Variants in MAP4K3 observed in about 807,000 individuals in gnomAD.
The protein encoded by MAP4K3 is mitogen-activated protein kinase kinase kinase kinase 3.
In MAP4K3, 94 loss-of-function variants were observed where a neutral mutation model predicts 143.5. The ratio of observed to expected loss-of-function variants is 0.65; its 90% CI spans 0.55 to 0.78. The LOEUF (loss-of-function observed/expected upper bound fraction) is 0.78. Among genes scored for constraint, MAP4K3 ranks in the 30% least tolerant of loss-of-function variants. The pLI is 0.00. For synonymous variants in MAP4K3, 416 were observed against 347.2 expected (o/e 1.20, Z -2.20); for missense variants, 1,077 against 1,068.1 (o/e 1.01, Z -0.12).
intron 1 of MAP4K3, among the ~76,000 whole-genome samples, chr2:39,411,909 C>A (rs1667242526): frequency 6.6e-6 from 1 of 152,196 alleles, no homozygotes; most frequent in Non-Finnish European, 1.5e-5. Flanking sequence ...CGCTTCATGG[C>A]ACTCTAGAGA....
intron 12 of MAP4K3, among the ~76,000 whole-genome samples, chr2:39,325,288 G>C (rs1333589980): frequency 6.6e-6 from 1 of 152,134 alleles, no homozygotes; most frequent in Non-Finnish European, 1.5e-5. Flanking sequence ...TAAATGATAT[G>C]CCTTTGCCAT....
intron 2 of MAP4K3, among the ~76,000 whole-genome samples, chr2:39,360,084 C>A (rs749834068): frequency 3.3e-5 from 5 of 152,208 alleles, no homozygotes; most frequent in Admixed American, 1.3e-4. Context: ...CATTGTTGGG[C>A]TGCAAATTTT....
intron 23 of MAP4K3, among the ~76,000 whole-genome samples, chr2:39,279,879 G>A (rs1681441288): frequency 6.6e-6 from 1 of 152,128 alleles, no homozygotes; most frequent in South Asian, 2.1e-4. Flanking sequence ...CATAAGGCCA[G>A]AAGTTTGAGG....
rs1205387420 is a variant in MAP4K3, at chr2:39,265,072, T to C, written c.2136+131A>G. 51 of 691,604 alleles carry C rather than the reference T, an allele frequency of 7.4e-5. No individual in the cohort carries two copies. The East Asian group carries it at 1.3e-3, about 18-fold the overall frequency. The allele number at this position is 691,604 out of a possible 1,614,324, so 42.8% of individuals were successfully genotyped here. ...AGTTGCTTACAACTGGGCAGATTTT[T>C]ACAACCCTGCCACATTATCTAAAAT... On this transcript the variant is annotated intron_variant, in intron 28 of 33. Coordinates refer to ENST00000263881, the MANE Select transcript of MAP4K3 (RefSeq NM_003618.4).
Position 39,260,564 on chromosome 2 carries a change from A to G in MAP4K3, c.2308+42T>C, listed in dbSNP as rs781391545. The G allele has an allele frequency of 3.9e-6, 6 of 1,537,970 alleles. No individual in the cohort carries two copies. In the South Asian group the frequency reaches 5.8e-5, roughly 15 times the overall value. ...CAGTAAACTTACTACTTATAAAACC[A>G]GTATATGTATTACCCTTAATAATTC... On this transcript the variant is annotated intron_variant, in intron 29 of 33. Transcript: ENST00000263881.
intron 3 of MAP4K3, among the ~76,000 whole-genome samples, chr2:39,344,668 C>T (rs1413981661): frequency 3.3e-5 from 5 of 152,126 alleles, no homozygotes; most frequent in Non-Finnish European, 7.3e-5. Flanking sequence ...ATAATCCAGG[C>T]ATGTATAAAG....
intron 13 of MAP4K3, among the ~76,000 whole-genome samples, chr2:39,312,020 T>C (rs1383576073): frequency 3.3e-5 from 5 of 152,132 alleles, no homozygotes; most frequent in East Asian, 1.9e-4. Context: ...CAAATTAATA[T>C]TGACCATGGT....
intron 24 of MAP4K3, among the ~76,000 whole-genome samples, chr2:39,277,328 C>A (rs966560060): frequency 6.6e-6 from 1 of 152,214 alleles, no homozygotes; most frequent in Non-Finnish European, 1.5e-5. Context: ...TGACAAACTT[C>A]TATTCATCAT....
chr2:39,387,604 T>C (rs1666542831), intron 1 of MAP4K3, among the ~76,000 whole-genome samples: 1 of 152,224 alleles, frequency 6.6e-6, no homozygotes, highest in African/African-American at 2.4e-5. Context: ...TGTCACAGCA[T>C]GCAGGACTTT....
chr2:39,372,092 G>A (rs1666098525), intron 2 of MAP4K3, among the ~76,000 whole-genome samples: 1 of 151,512 alleles, frequency 6.6e-6, no homozygotes, highest in Admixed American at 6.6e-5. Context: ...TAAAGCTGCA[G>A]GACACAAAAT....
At chr2:39,354,665 C>G (rs758738672) in intron 3 of MAP4K3, among the ~76,000 whole-genome samples, 1 of 147,592 alleles carries the variant, frequency 6.8e-6, no homozygotes, top group African/African-American at 2.5e-5. Flanking sequence ...CTGTCTCAAA[C>G]AAACAAACAA....
At chr2:39,295,750 C>CAAA (rs2148483834) in intron 16 of MAP4K3, among the ~76,000 whole-genome samples, 1 of 91,016 alleles carries the variant, frequency 1.1e-5, no homozygotes, top group Non-Finnish European at 2.1e-5. Flanking sequence ...TGGAGTCTTG[C>CAAA]TTTTTTGGTC....
chr2:39,251,771 C>A (rs1680161864), intron 33 of MAP4K3, 59 bp downstream of exon 33: 1 of 1,348,006 alleles, frequency 7.4e-7, no homozygotes, highest in South Asian at 1.2e-5. Context: ...AAATCTGTTT[C>A]ATGCTGGATC....
At chr2:39,323,321 C>T (rs1428619823) in intron 12 of MAP4K3, 4 of 152,112 alleles carry the variant, frequency 2.6e-5, no homozygotes, top group Non-Finnish European at 5.9e-5. Context: ...AATCTTCATT[C>T]CACAGATTGC....
chr2:39,411,835 A>G (rs545925765), intron 1 of MAP4K3, among the ~76,000 whole-genome samples: 10 of 152,328 alleles, frequency 6.6e-5, no homozygotes, highest in Admixed American at 6.5e-4. Flanking sequence ...TAATGGCTAC[A>G]TATCTACATG....
chr2:39,293,597 G>T (rs1682145861), intron 16 of MAP4K3, among the ~76,000 whole-genome samples: 1 of 151,970 alleles, frequency 6.6e-6, no homozygotes, highest in Non-Finnish European at 1.5e-5. Flanking sequence ...ATAATTGCAG[G>T]GTCATAGCCA....
chr2:39,337,946 A>T (rs1191400214), intron 4 of MAP4K3, among the ~76,000 whole-genome samples: 1 of 151,524 alleles, frequency 6.6e-6, no homozygotes, highest in East Asian at 1.9e-4. Context: ...CATTTTTTGC[A>T]GAGATGGGGT....
intron 24 of MAP4K3, among the ~76,000 whole-genome samples, chr2:39,276,109 G>A (rs191214712): frequency 7.4e-4 from 112 of 152,160 alleles, no homozygotes; most frequent in Middle Eastern, 6.8e-3. Context: ...CTGACCTCAG[G>A]TGACCACCCA....
chr2:39,315,067 C>A (rs1452364344), intron 13 of MAP4K3, among the ~76,000 whole-genome samples: 1 of 152,082 alleles, frequency 6.6e-6, no homozygotes. Context: ...TTACTTCTAC[C>A]CTGCTTATTC....
Sources: allele counts gnomAD v4.1 joint callset (sites outside exome capture counted in the v4.1 genomes callset), GRCh38; gene constraint gnomAD v4.1.1; transcripts MANE v1.5; gene names NCBI Gene and HGNC (gene_info 2026-07-23, HGNC 2026-07-21).